The following CHD3 variants were observed in gnomAD, a reference collection of about 807,000 sequenced individuals.
CHD3 encodes the protein ATP-dependent chromatin remodeler CHD3.
CHD3 carries 52 observed loss-of-function variants against 248.9 expected under a neutral mutation model. The observed-to-expected ratio is 0.21, with a 90% CI of 0.17 to 0.26. The LOEUF (loss-of-function observed/expected upper bound fraction) is 0.26, where lower values mean the gene tolerates loss of function less well. Among genes scored for constraint, CHD3 ranks in the 10% least tolerant of loss-of-function variants. The pLI, the probability that CHD3 is intolerant of heterozygous loss-of-function variation, is 1.00. For synonymous variants in CHD3, 985 were observed against 985.2 expected (o/e 1.00, Z 0.00); for missense variants, 1,482 against 2,605.8 (o/e 0.57, Z 9.39).
upstream of CHD3, chr17:7,888,712 G>C: frequency 2.7e-6 from 2 of 729,020 alleles, no homozygotes; most frequent in Non-Finnish European, 3.8e-6. Flanking sequence ...GGGCCTGAGA[G>C]TGTGTGTGGG....
chr17:7,896,678 G>A (rs1321320231), intron 10 of CHD3, among the ~76,000 whole-genome samples: 1 of 148,300 alleles, frequency 6.7e-6, no homozygotes, highest in Non-Finnish European at 1.5e-5. Flanking sequence ...GTGCTGGGAC[G>A]CGCCTGTTAT....
chr17:7,903,168 G>C lies in CHD3; in HGVS notation c.3496-104G>C. The C allele has an allele frequency of 1.3e-6, 2 of 1,568,528 alleles. No homozygotes were observed. The highest frequency in any genetic ancestry group is 1.7e-6 in the Non-Finnish European group (2 of 1,148,224). On this transcript the variant is annotated intron_variant, in intron 22 of 39. Coordinates refer to ENST00000330494, the MANE Select transcript of CHD3 (RefSeq NM_001005273.3). This position sits in a 1 kb window ranked among gnomAD's most constrained non-coding sequence, Gnocchi z 6.8. Reference sequence around the variant, plus strand: ...CAGAAATAAATCTCTTCTGGGAGGAGAGAAGGCCCTTCTTCAGCAGCCTTC... The same window carrying C: ...CAGAAATAAATCTCTTCTGGGAGGACAGAAGGCCCTTCTTCAGCAGCCTTC...
intron 12 of CHD3, 47 bp downstream of exon 12, chr17:7,898,149 A>G (rs536151795): frequency 6.2e-7 from 1 of 1,603,344 alleles, no homozygotes. Flanking sequence ...CGATGAGGGC[A>G]TGAAAGCCAA....
rs953458149 is a variant in CHD3 at position 7,897,018 on chromosome 17, C to T, written c.1708-65C>T. On this transcript the variant is annotated intron_variant, in intron 10 of 39. Coordinates refer to ENST00000330494, the MANE Select transcript of CHD3 (RefSeq NM_001005273.3). The surrounding 1 kb of genome is among the most constrained non-coding windows in gnomAD (Gnocchi z 4.8). ...CCCATTCCTCCTGCCGGCCTCTTCC[C>T]GGTTCCTTGTTGTCCTCTGTGAGTG... 139 of 1,391,966 alleles carry T rather than the reference C, an allele frequency of 1.0e-4. No homozygotes were observed. The highest frequency in any genetic ancestry group is 1.3e-4 in the Non-Finnish European group (130 of 982,182). 86.2% of individuals were successfully genotyped at this position (1,391,966 alleles called of 1,614,324 possible). A position where few individuals can be genotyped will look rare whatever the true frequency, so the allele number is the denominator to read the frequency against.
At position 7,893,536 on chromosome 17, in the gene CHD3, C is replaced by T. The variant is rs763375312; in HGVS notation, c.760C>T (p.Pro254Ser). Residue 254 changes from proline to serine, a missense_variant, in exon 5 of 40, where the codon CCC (proline) becomes TCC (serine). Pro to Ser is a moderately conservative substitution (Grantham distance 74, BLOSUM62 -1). Coordinates refer to ENST00000330494, the MANE Select transcript of CHD3 (RefSeq NM_001005273.3). Reference protein sequence around the residue: ...PPPAADIQPPPIRRAKTKEGK... With the variant: ...PPPAADIQPPSIRRAKTKEGK... ...CCCTGCTGCTGATATCCAGCCCCCA[C>T]CCATCCGAAGAGCCAAAACCAAAGA... 1 of 1,591,300 alleles carries T rather than the reference C, an allele frequency of 6.3e-7. No homozygotes were observed. Among genetic ancestry groups the T allele is most frequent in the Non-Finnish European group, 8.6e-7 (1 of 1,165,576 alleles).
chr17:7,907,721 C>G lies in CHD3; in HGVS notation c.5026+19C>G. The G allele has an allele frequency of 6.6e-7, 1 of 1,520,210 alleles. No homozygotes were observed. 94.2% of individuals were successfully genotyped at this position (1,520,210 alleles called of 1,614,324 possible). The stretch of plus-strand genomic sequence containing the variant: ...AAGAGAGGTAATGGGTGGAAGGGAC[C>G]GGACACCTGGGTCCCAGAGGGCATC... On this transcript the variant is annotated intron_variant, in intron 33 of 39. Coordinates refer to ENST00000330494, the MANE Select transcript of CHD3 (RefSeq NM_001005273.3). This position sits in a 1 kb window ranked among gnomAD's most constrained non-coding sequence, Gnocchi z 4.3.
At chr17:7,901,792 A>G (rs1445363674) in intron 20 of CHD3, among the ~76,000 whole-genome samples, 1 of 151,952 alleles carries the variant, frequency 6.6e-6, no homozygotes, top group Non-Finnish European at 1.5e-5. Context: ...ATTACTGTAT[A>G]GCAAGTTCAT....
upstream of CHD3, among the ~76,000 whole-genome samples, chr17:7,887,138 G>C (rs1289233483): frequency 6.6e-6 from 1 of 152,088 alleles, no homozygotes; most frequent in African/African-American, 2.4e-5. Context: ...ACCTAAGTGT[G>C]GGGAAAAGAA....
At chr17:7,894,019 C>G in intron 6 of CHD3, 84 bp downstream of exon 6, 1 of 1,585,504 alleles carries the variant, frequency 6.3e-7, no homozygotes, top group Non-Finnish European at 8.6e-7. Context: ...GATCCAGAGA[C>G]AGGGATCCGT....
chr17:7,905,780 A>G lies in CHD3; in HGVS notation c.4224+74A>G. On this transcript the variant is annotated intron_variant, in intron 27 of 39. Transcript: ENST00000330494. This position sits in a 1 kb window ranked among gnomAD's most constrained non-coding sequence, Gnocchi z 5.8. ...CAGGAGGTTGGAAGTTGGTGCCTGG[A>G]TCACTGAAGGTAGAAAGGACAAGAC... 1 of 1,613,716 alleles carries G rather than the reference A, an allele frequency of 6.2e-7. No homozygotes were observed. The highest frequency in any genetic ancestry group is 1.1e-5 in the South Asian group (1 of 91,074).
Position 7,903,792 on chromosome 17 carries a change from C to G in CHD3, c.3728-33C>G. ...CCATCAGCCTTTCTAAACTTTGGAA[C>G]CCAAAGTTCCCGTTTGTTTTCCCTC... On this transcript the variant is annotated intron_variant, in intron 23 of 39. Transcript: ENST00000330494. This position sits in a 1 kb window ranked among gnomAD's most constrained non-coding sequence, Gnocchi z 6.8. 1 of 1,607,664 alleles carries G rather than the reference C, an allele frequency of 6.2e-7. No individual in the cohort carries two copies. The highest frequency in any genetic ancestry group is 1.1e-5 in the South Asian group (1 of 90,730).
upstream of CHD3, chr17:7,888,785 G>T (rs1326127925): frequency 4.2e-6 from 6 of 1,412,828 alleles, no homozygotes; most frequent in Non-Finnish European, 3.7e-6. Flanking sequence ...GTCTGTCTGT[G>T]CCTATATCTT....
chr17:7,908,029 A>C lies in CHD3; in HGVS notation c.5152+10A>C, dbSNP rs775232395. The C allele has an allele frequency of 6.9e-6, 11 of 1,586,412 alleles. No homozygotes were observed. In the South Asian group the frequency reaches 1.2e-4, roughly 18 times the overall value. On this transcript the variant is annotated intron_variant, in intron 34 of 39. Coordinates refer to ENST00000330494, the MANE Select transcript of CHD3 (RefSeq NM_001005273.3). This position sits in a 1 kb window ranked among gnomAD's most constrained non-coding sequence, Gnocchi z 5.8. Reference sequence around the variant, plus strand: ...GATGGTGGCTTCACAGGTTGGGGAGACTCTCGCTGCTTTCTGCTCCTCAAG... The same window carrying C: ...GATGGTGGCTTCACAGGTTGGGGAGCCTCTCGCTGCTTTCTGCTCCTCAAG...
In CHD3 at chr17:7,899,789, G is replaced by A. The variant is rs937679185; in HGVS notation, c.2545-107G>A. 2.8e-5 allele frequency: 39 copies of A among 1,385,190 alleles called. No homozygotes were observed. Among genetic ancestry groups the A allele is most frequent in the Non-Finnish European group, 3.7e-5 (37 of 998,990 alleles). 85.8% of individuals were successfully genotyped at this position (1,385,190 alleles called of 1,614,324 possible). On this transcript the variant is annotated intron_variant, in intron 15 of 39. Transcript: ENST00000330494. The surrounding 1 kb of genome is among the most constrained non-coding windows in gnomAD (Gnocchi z 6.8). ...CTGTAATCCCTGCTTGGAGAACAGA[G>A]TAATGGCTCCTGTTGGGAGCCACAG...
chr17:7,899,302 C>A lies in CHD3; in HGVS notation c.2344-41C>A, dbSNP rs751740188. 1.2e-6 allele frequency: 2 copies of A among 1,609,416 alleles called. No individual in the cohort carries two copies. The highest frequency in any genetic ancestry group is 2.7e-5 in the African/African-American group (2 of 74,806). On this transcript the variant is annotated intron_variant, in intron 14 of 39. Transcript: ENST00000330494. This position sits in a 1 kb window ranked among gnomAD's most constrained non-coding sequence, Gnocchi z 6.8. ...CTGGCAGAGGACTAGGGTATACGGC[C>A]TCTAGCCTAGACTTATGCTGCCCCC...
In CHD3 at chr17:7,904,205, C is replaced by T; in HGVS notation, c.3894+214C>T. 1.6e-6 allele frequency: 1 copy of T among 622,392 alleles called. No homozygotes were observed. 38.6% of individuals were successfully genotyped at this position (622,392 alleles called of 1,614,324 possible). ...CAGAAGGGTACCTTCTGAGACAGTG[C>T]AGGAGAAACACTGTCAGAGGGATTA... On this transcript the variant is annotated intron_variant, in intron 24 of 39. Coordinates refer to ENST00000330494, the MANE Select transcript of CHD3 (RefSeq NM_001005273.3). This position sits in a 1 kb window ranked among gnomAD's most constrained non-coding sequence, Gnocchi z 4.4.
In CHD3 at chr17:7,911,354, AC is replaced by A; in HGVS notation, c.5882-109del. The A allele has an allele frequency of 6.5e-7, 1 of 1,549,928 alleles. No homozygotes were observed. The highest frequency in any genetic ancestry group is 8.8e-7 in the Non-Finnish European group (1 of 1,130,036). ...CCGGGTCTTCCCTCCCTCACGTGGG[AC>A]AACGGGAAGTGGCAGGAGGTGACCT... is the stretch of plus-strand genomic sequence containing the variant. On this transcript the variant is annotated intron_variant, in intron 39 of 39. Coordinates refer to ENST00000330494, the MANE Select transcript of CHD3 (RefSeq NM_001005273.3). The surrounding 1 kb of genome is among the most constrained non-coding windows in gnomAD (Gnocchi z 5.4).
intron 5 of CHD3, 100 bp from the exon 6 acceptor site, chr17:7,893,705 C>T (rs1969219177): frequency 1.1e-5 from 17 of 1,535,010 alleles, no homozygotes; most frequent in Non-Finnish European, 1.5e-5. Flanking sequence ...CTTAGTGAAA[C>T]CACAGCCCAC....
Position 7,909,260 on chromosome 17 carries a change from T to C in CHD3, c.5512T>C (p.Cys1838Arg). Residue 1838 changes from cysteine (C) to arginine (R), a missense_variant, in exon 37 of 40, where the codon TGC becomes CGC. Coordinates refer to ENST00000330494, the MANE Select transcript of CHD3 (RefSeq NM_001005273.3). This position sits in a 1 kb window ranked among gnomAD's most constrained non-coding sequence, Gnocchi z 8.1. ...CCACGCCCGCTTCGCCGAGGCCGAG[T>C]GCCTGGCCGAGAGCCACCAGCACCT... is the stretch of plus-strand genomic sequence containing the variant. The part of the protein sequence containing the change: ...ALHARFAEAE[C>R]LAESHQHLSK... The C allele has an allele frequency of 6.4e-7, 1 of 1,555,380 alleles. No homozygotes were observed. Among genetic ancestry groups the C allele is most frequent in the Non-Finnish European group, 8.7e-7 (1 of 1,151,016 alleles).
Sources: gnomAD v4.1 joint callset for allele counts (sites outside exome capture counted in the v4.1 genomes callset) on GRCh38, gnomAD v4.1.1 for gene constraint, Gnocchi (gnomAD v3.1) non-coding constraint, MANE v1.5 for transcripts, NCBI Gene and HGNC (gene_info 2026-07-23, HGNC 2026-07-21) for gene names.